SNX30: variants seen among roughly 807,000 people sequenced by gnomAD.
The protein encoded by SNX30 is sorting nexin family member 30.
In SNX30, 24 loss-of-function variants were observed where a neutral mutation model predicts 46.4. The ratio of observed to expected loss-of-function variants is 0.52; its 90% CI spans 0.37 to 0.73. SNX30 has a LOEUF of 0.73. Among genes scored for constraint, SNX30 ranks in the 30% least tolerant of loss-of-function variants. The pLI is 0.00. For synonymous variants in SNX30, 189 were observed against 211.5 expected, an observed-to-expected ratio of 0.89 and a Z score of 0.92; for missense variants, 533 against 555.7, an observed-to-expected ratio of 0.96 and a Z score of 0.41.
chr9:112,775,105 G>T (rs186319141), intron 1 of SNX30, among the ~76,000 whole-genome samples: 1 of 149,144 alleles, frequency 6.7e-6, no homozygotes, highest in East Asian at 2.0e-4. Flanking sequence ...CTCCCAAAGT[G>T]CTGTGATTAC....
In SNX30 at chr9:112,785,550, A is replaced by G. The variant is rs1002965549; in HGVS notation, c.157-19226A>G. Among the ~76,000 whole-genome samples the G allele has an allele frequency of 2.0e-5, 3 of 151,900 alleles. No homozygotes were observed. In the East Asian group the frequency reaches 5.8e-4, roughly 29 times the overall value. On this transcript the variant is annotated intron_variant, in intron 1 of 8. Coordinates refer to ENST00000374232, the MANE Select transcript of SNX30 (RefSeq NM_001012994.2). ...AGGCATTTGCCACCATGCCCGGCTAATTTTTGTATTTTTTGTAGAGATGGG... is the reference window on the plus strand; with the variant it reads ...AGGCATTTGCCACCATGCCCGGCTAGTTTTTGTATTTTTTGTAGAGATGGG...
At chr9:112,772,247 A>G (rs544059847) in intron 1 of SNX30, among the ~76,000 whole-genome samples, 6 of 152,260 alleles carry the variant, frequency 3.9e-5, no homozygotes, top group Non-Finnish European at 7.4e-5. Context: ...CTTGTCAACA[A>G]GTGGAAATGG....
At chr9:112,883,174 G>A (rs574021838), downstream of SNX30, among the ~76,000 whole-genome samples, 1 of 152,290 alleles carries the variant, frequency 6.6e-6, no homozygotes, top group South Asian at 2.1e-4. Context: ...GAAAGTGAAT[G>A]GGAGTGGGGG....
At chr9:112,836,779 A>G (rs946024286) in intron 5 of SNX30, among the ~76,000 whole-genome samples, 68 of 152,238 alleles carry the variant, frequency 4.5e-4, no homozygotes, top group African/African-American at 1.5e-3. Flanking sequence ...TTCTGGCAGA[A>G]AGATGGTTCA....
intron 7 of SNX30, among the ~76,000 whole-genome samples, chr9:112,854,340 G>A (rs1474453692): frequency 3.3e-5 from 5 of 152,140 alleles, no homozygotes; most frequent in East Asian, 3.9e-4. Flanking sequence ...TCCACTCCCC[G>A]TGCTGTGGAA....
chr9:112,763,068 A>T (rs1839469810), intron 1 of SNX30, among the ~76,000 whole-genome samples: 1 of 152,150 alleles, frequency 6.6e-6, no homozygotes, highest in Non-Finnish European at 1.5e-5. Context: ...AGACATGCAG[A>T]TGCTGGTAGG....
chr9:112,751,715 G>C (rs1839280670), intron 1 of SNX30, among the ~76,000 whole-genome samples: 1 of 152,190 alleles, frequency 6.6e-6, no homozygotes, highest in South Asian at 2.1e-4. Context: ...GGCGGGAGGA[G>C]AGCCTCGTTG....
chr9:112,772,408 T>C (rs991284391), intron 1 of SNX30, among the ~76,000 whole-genome samples: 25 of 152,196 alleles, frequency 1.6e-4, no homozygotes, highest in African/African-American at 5.8e-4. Context: ...TAGGTATTCT[T>C]GAAGCTTTTT....
intron 1 of SNX30, among the ~76,000 whole-genome samples, chr9:112,759,173 C>G (rs1236302201): frequency 6.6e-6 from 1 of 152,040 alleles, no homozygotes. Flanking sequence ...GTCTTGTGCC[C>G]TATTTTGTGA....
intron 1 of SNX30, among the ~76,000 whole-genome samples, chr9:112,776,243 C>T (rs557439244): frequency 2.0e-5 from 3 of 152,222 alleles, no homozygotes; most frequent in African/African-American, 7.2e-5. Flanking sequence ...TTTAGGTTCA[C>T]CTTTTCTTGT....
At chr9:112,792,134 G>A (rs1381743547) in intron 1 of SNX30, among the ~76,000 whole-genome samples, 1 of 152,206 alleles carries the variant, frequency 6.6e-6, no homozygotes. Flanking sequence ...TTTGAATAAA[G>A]TAGGACTTAC....
intron 8 of SNX30, among the ~76,000 whole-genome samples, chr9:112,866,992 TCCCTCCTCAGAACTCCTCCC>T (rs1564297933): frequency 1.3e-3 from 1 of 778 alleles, no homozygotes; most frequent in Non-Finnish European, 3.1e-3. Flanking sequence ...GAATTCCTTC[TCCCTCCTCAGAACTCCTCCC>T]CCCTCCTCAG....
chr9:112,866,870 C>T (rs1841355051), intron 8 of SNX30, among the ~76,000 whole-genome samples: 2 of 149,944 alleles, frequency 1.3e-5, no homozygotes, highest in Admixed American at 6.6e-5. Flanking sequence ...CAGAACTCCT[C>T]CCACCTCCTC....
At chr9:112,763,301 T>C (rs376300020) in intron 1 of SNX30, among the ~76,000 whole-genome samples, 7 of 149,604 alleles carry the variant, frequency 4.7e-5, no homozygotes, top group African/African-American at 1.5e-4. Flanking sequence ...TCCTGAGTAG[T>C]CCTCAGCTCC....
chr9:112,795,765 T>TCACA (rs1554751568), intron 1 of SNX30, among the ~76,000 whole-genome samples: 202 of 123,318 alleles, frequency 1.6e-3, no homozygotes, highest in African/African-American at 4.5e-3. Flanking sequence ...CACAGTACAG[T>TCACA]CACACACACA....
chr9:112,809,909 A>T (rs1167601567), intron 2 of SNX30, among the ~76,000 whole-genome samples: 1 of 151,506 alleles, frequency 6.6e-6, no homozygotes, highest in African/African-American at 2.4e-5. Context: ...GATGAAAGAG[A>T]CTTGTTTAAC....
intron 3 of SNX30, among the ~76,000 whole-genome samples, chr9:112,821,207 G>T (rs962005079): frequency 6.6e-6 from 1 of 152,144 alleles, no homozygotes; most frequent in Admixed American, 6.5e-5. Context: ...TTGGATTGTA[G>T]CCATTCTACT....
chr9:112,771,720 A>G (rs1160228342), intron 1 of SNX30, among the ~76,000 whole-genome samples: 2 of 152,210 alleles, frequency 1.3e-5, no homozygotes, highest in Admixed American at 6.5e-5. Flanking sequence ...GCTCTCACTC[A>G]TAGTCCTGTT....
rs1841411282 is a variant in SNX30 at position 112,869,473 on chromosome 9, C to G, written c.*630C>G. 1 of 152,694 alleles carries G rather than the reference C, an allele frequency of 6.5e-6. No individual in the cohort carries two copies. Among genetic ancestry groups the G allele is most frequent in the African/African-American group, 2.4e-5 (1 of 41,410 alleles). 9.5% of individuals were successfully genotyped at this position (152,694 alleles called of 1,614,324 possible). ...CATTTAAATCAATGTCAATGTGCGT[C>G]CATGCTTGAGTGAGCAAGCCAGCGT... On this transcript the variant is annotated 3_prime_UTR_variant, in exon 9 of 9. Coordinates refer to ENST00000374232, the MANE Select transcript of SNX30 (RefSeq NM_001012994.2).
Sources: gnomAD v4.1 joint callset for allele counts (sites outside exome capture counted in the v4.1 genomes callset) on GRCh38, gnomAD v4.1.1 for gene constraint, MANE v1.5 for transcripts, NCBI Gene and HGNC (gene_info 2026-07-23, HGNC 2026-07-21) for gene names.